The following LRRTM4 variants were observed in gnomAD, a reference collection of about 807,000 sequenced individuals.
The protein encoded by LRRTM4 is leucine-rich repeat transmembrane neuronal protein 4.
In LRRTM4, 25 loss-of-function variants were observed where a neutral mutation model predicts 47.6. That is an observed-to-expected ratio of 0.53 (90% CI 0.38 to 0.73). The LOEUF is 0.73. Ranked by LOEUF, LRRTM4 falls within the 30% of genes least tolerant of loss-of-function variation. The pLI is 0.00. For synonymous variants in LRRTM4, 311 were observed against 269.5 expected (o/e 1.15, Z -1.51); for missense variants, 638 against 713.4 (o/e 0.89, Z 1.20).
At chr2:76,800,790 G>C (rs370885679) in intron 3 of LRRTM4, among the ~76,000 whole-genome samples, 1 of 137,732 alleles carries the variant, frequency 7.3e-6, no homozygotes, top group African/African-American at 2.9e-5. Flanking sequence ...AAAAGTGGGC[G>C]AAGGACATGA....
chr2:76,964,331 T>C (rs1292957272), intron 3 of LRRTM4, among the ~76,000 whole-genome samples: 6 of 151,100 alleles, frequency 4.0e-5, no homozygotes, highest in Admixed American at 3.3e-4. Context: ...AACTAGCCTC[T>C]GTTTCATTGA....
intron 3 of LRRTM4, among the ~76,000 whole-genome samples, chr2:76,961,719 T>G (rs1182575025): frequency 6.6e-6 from 1 of 151,274 alleles, no homozygotes; most frequent in Non-Finnish European, 1.5e-5. Context: ...ATTTCTAAAA[T>G]GAAGGGTTAT....
At chr2:76,883,984 AT>A (rs72200115) in intron 3 of LRRTM4, among the ~76,000 whole-genome samples, 24,775 of 143,174 alleles carry the variant, frequency 0.17, 2,370 homozygotes, top group East Asian at 0.46. Context: ...CACCCGGCTA[AT>A]TTTTTTTTTT....
At chr2:77,178,325 T>A (rs1454385733) in intron 3 of LRRTM4, among the ~76,000 whole-genome samples, 2 of 152,172 alleles carry the variant, frequency 1.3e-5, no homozygotes, top group African/African-American at 4.8e-5. Flanking sequence ...CGGTGGCTCA[T>A]GCCTGTAATC....
chr2:77,348,024 TACACACAC>T (rs10597438), intron 3 of LRRTM4, among the ~76,000 whole-genome samples: 1 of 148,444 alleles, frequency 6.7e-6, no homozygotes, highest in South Asian at 2.1e-4. Context: ...AAAACACAAG[TACACACAC>T]ACACACACAC....
intron 3 of LRRTM4, among the ~76,000 whole-genome samples, chr2:76,766,352 G>A (rs1673456371): frequency 6.6e-6 from 1 of 152,118 alleles, no homozygotes. Context: ...GGGGACCACG[G>A]CATTAATACA....
chr2:76,795,211 A>C (rs1341934778), intron 3 of LRRTM4, among the ~76,000 whole-genome samples: 1 of 152,132 alleles, frequency 6.6e-6, no homozygotes, highest in Non-Finnish European at 1.5e-5. Flanking sequence ...ATAACCAAAG[A>C]AATTAAATTA....
intron 3 of LRRTM4, among the ~76,000 whole-genome samples, chr2:77,505,142 T>C (rs1678720195): frequency 6.6e-6 from 1 of 151,110 alleles, no homozygotes; most frequent in African/African-American, 2.4e-5. Flanking sequence ...GGAGCTGATC[T>C]GGAAAAGAAT....
chr2:77,344,259 T>C (rs1237813106), intron 3 of LRRTM4, among the ~76,000 whole-genome samples: 2 of 152,002 alleles, frequency 1.3e-5, no homozygotes, highest in Non-Finnish European at 2.9e-5. Flanking sequence ...AATTCTGAGA[T>C]GGTACAGGTG....
chr2:77,461,030 G>T (rs1378180355), intron 3 of LRRTM4, among the ~76,000 whole-genome samples: 1 of 151,834 alleles, frequency 6.6e-6, no homozygotes, highest in African/African-American at 2.4e-5. Flanking sequence ...TTAACCTAGA[G>T]GCAATCCTTT....
At chr2:77,374,866 T>C (rs1215553568) in intron 3 of LRRTM4, among the ~76,000 whole-genome samples, 1 of 151,748 alleles carries the variant, frequency 6.6e-6, no homozygotes, top group Non-Finnish European at 1.5e-5. Flanking sequence ...TTTTGTGAAA[T>C]GGGAAAAAGT....
chr2:76,749,277 T>G (rs1048382856), intron 3 of LRRTM4, among the ~76,000 whole-genome samples: 2 of 152,236 alleles, frequency 1.3e-5, no homozygotes, highest in South Asian at 2.1e-4. Context: ...TAGGGGAGGA[T>G]CTATCTGTTG....
chr2:77,202,433 C>G (rs1457990277), intron 3 of LRRTM4, among the ~76,000 whole-genome samples: 1 of 152,022 alleles, frequency 6.6e-6, no homozygotes, highest in Non-Finnish European at 1.5e-5. Context: ...ATCAATGCTC[C>G]TATAAGTAAT....
At chr2:77,356,319 A>C (rs1408982117) in intron 3 of LRRTM4, among the ~76,000 whole-genome samples, 1 of 152,202 alleles carries the variant, frequency 6.6e-6, no homozygotes, top group Non-Finnish European at 1.5e-5. Context: ...CCCAGGCTTG[A>C]CGTTGTAAGT....
intron 3 of LRRTM4, among the ~76,000 whole-genome samples, chr2:77,345,342 G>C (rs1361178886): frequency 6.6e-6 from 1 of 151,762 alleles, no homozygotes; most frequent in Non-Finnish European, 1.5e-5. Context: ...AGAAATGCAG[G>C]AGTAGGAGAA....
intron 3 of LRRTM4, among the ~76,000 whole-genome samples, chr2:76,816,161 A>C (rs1166238222): frequency 6.6e-6 from 1 of 152,062 alleles, no homozygotes; most frequent in Non-Finnish European, 1.5e-5. Context: ...ACAGAATCTG[A>C]TACAGAAAGA....
chr2:77,151,083 A>G (rs1453033281), intron 3 of LRRTM4, among the ~76,000 whole-genome samples: 3 of 152,190 alleles, frequency 2.0e-5, no homozygotes, highest in South Asian at 4.1e-4. Flanking sequence ...AATCATCACC[A>G]CAATCAAGGT....
intron 3 of LRRTM4, among the ~76,000 whole-genome samples, chr2:77,080,971 C>A (rs926911932): frequency 2.6e-5 from 4 of 152,132 alleles, no homozygotes; most frequent in African/African-American, 9.7e-5. Context: ...ACTTCCCAAC[C>A]AATTCCCACA....
chr2:76,976,164 T>C (rs2103954560), intron 3 of LRRTM4, among the ~76,000 whole-genome samples: 1 of 151,966 alleles, frequency 6.6e-6, no homozygotes, highest in Admixed American at 6.6e-5. Flanking sequence ...TTTAAATGTA[T>C]AAGCAATGTT....
Sources: allele counts gnomAD v4.1 joint callset (sites outside exome capture counted in the v4.1 genomes callset), GRCh38; gene constraint gnomAD v4.1.1; transcripts MANE v1.5; gene names NCBI Gene and HGNC (gene_info 2026-07-23, HGNC 2026-07-21).